Variants in ABCG2 observed in about 807,000 individuals in gnomAD.
ABCG2 encodes broad substrate specificity ATP-binding cassette transporter ABCG2.
A neutral mutation model predicts 73.5 loss-of-function variants in ABCG2; 80 were observed. The observed-to-expected ratio is 1.09, with a 90% CI of 0.91 to 1.31. The LOEUF (loss-of-function observed/expected upper bound fraction) is 1.31. Ranked by LOEUF, ABCG2 falls within the 50% of genes most tolerant of loss-of-function variation. The probability of loss-of-function intolerance (pLI) is 0.00; values close to 1 mark genes in which losing one functional copy is unlikely to be tolerated. For missense variants in ABCG2, 796 were observed against 786.2 expected (o/e 1.01, Z -0.15); for synonymous variants, 269 against 282.4 (o/e 0.95, Z 0.48).
chr4:88,158,779 G>A (rs1447099959), upstream of ABCG2: 1 of 356,702 alleles, frequency 2.8e-6, no homozygotes, highest in Non-Finnish European at 5.3e-6. Context: ...AGGCGCTGCG[G>A]CTGGAGGTCA....
chr4:88,154,626 C>G (rs62310594), intron 1 of ABCG2, among the ~76,000 whole-genome samples: 5 of 151,928 alleles, frequency 3.3e-5, no homozygotes, highest in African/African-American at 1.2e-4. Flanking sequence ...AGGAAATATG[C>G]GGAAATGGGG....
At chr4:88,174,381 T>G (rs1727873553) in intron 1 of ABCG2, among the ~76,000 whole-genome samples, 1 of 152,202 alleles carries the variant, frequency 6.6e-6, no homozygotes, top group Admixed American at 6.5e-5. Flanking sequence ...CCATGTGTTC[T>G]CACTGTTCAA....
intron 1 of ABCG2, among the ~76,000 whole-genome samples, chr4:88,152,727 C>CATTCCT (rs1369571079): frequency 6.6e-6 from 1 of 152,090 alleles, no homozygotes; most frequent in Non-Finnish European, 1.5e-5. Flanking sequence ...AGAGGCCTGA[C>CATTCCT]ATTCCTGTCT....
intron 1 of ABCG2, among the ~76,000 whole-genome samples, chr4:88,156,605 G>A (rs192631803): frequency 2.0e-3 from 298 of 152,168 alleles, no homozygotes; most frequent in Non-Finnish European, 3.4e-3. Flanking sequence ...CTTCCCTACA[G>A]AAGGGAATTT....
At position 88,119,586 on chromosome 4, in the gene ABCG2, G is replaced by T. The variant is rs185318913; in HGVS notation, c.690-1326C>A. Among the ~76,000 whole-genome samples the T allele has an allele frequency of 2.6e-3, 392 of 152,122 alleles. 2 individuals carry two copies. Among genetic ancestry groups the T allele is most frequent in the African/African-American group, 8.9e-3 (369 of 41,568 alleles). Reference sequence around the variant, plus strand: ...CTCAGATGGAGATGAGGAACTTGTTGGGAACTGGAATAAAAGTGACTCTTG... The same window carrying T: ...CTCAGATGGAGATGAGGAACTTGTTTGGAACTGGAATAAAAGTGACTCTTG... On this transcript the variant is annotated intron_variant, in intron 6 of 15. Coordinates refer to ENST00000237612, the MANE Select transcript of ABCG2 (RefSeq NM_004827.3).
intron 1 of ABCG2, among the ~76,000 whole-genome samples, chr4:88,189,408 G>A (rs927540942): frequency 3.3e-5 from 5 of 152,112 alleles, no homozygotes; most frequent in Admixed American, 2.6e-4. Flanking sequence ...TAGCCACTCA[G>A]GAGGCTGAGG....
chr4:88,094,097 TG>T (rs1721824700), intron 15 of ABCG2, among the ~76,000 whole-genome samples: 1 of 152,182 alleles, frequency 6.6e-6, no homozygotes, highest in African/African-American at 2.4e-5. Flanking sequence ...GGCAGGGAAA[TG>T]TTTACTTTCT....
At chr4:88,126,585 A>G (rs1342102030) in intron 5 of ABCG2, among the ~76,000 whole-genome samples, 3 of 152,238 alleles carry the variant, frequency 2.0e-5, no homozygotes, top group African/African-American at 7.2e-5. Flanking sequence ...CACCATGATC[A>G]AGTCAGCTTC....
At chr4:88,120,480 G>A (rs894278193) in intron 6 of ABCG2, among the ~76,000 whole-genome samples, 3 of 152,206 alleles carry the variant, frequency 2.0e-5, no homozygotes, top group African/African-American at 7.2e-5. Flanking sequence ...AATCCACAAG[G>A]CCAGAGCCTC....
Position 88,113,470 on chromosome 4 carries a change from T to C in ABCG2, c.1027A>G (p.Lys343Glu), listed in dbSNP as rs549494157. The C allele has an allele frequency of 1.9e-6, 3 of 1,614,130 alleles. No individual in the cohort carries two copies. In the African/African-American group the frequency reaches 4.0e-5, roughly 22 times the overall value. Residue 343 changes from lysine to glutamate, a missense_variant, in exon 9 of 16, where the codon AAA becomes GAA. Coordinates refer to ENST00000237612, the MANE Select transcript of ABCG2 (RefSeq NM_004827.3). The part of the protein sequence containing the change: ...AEIYVNSSFY[K>E]ETKAELHQLS... ...TGATGTAATTCAGCTTTTGTCTCTT[T>C]GTAGAAGGAGGAGTTGACATAAATC...
chr4:88,154,505 G>T (rs1319040814), intron 1 of ABCG2, among the ~76,000 whole-genome samples: 1 of 152,196 alleles, frequency 6.6e-6, no homozygotes, highest in East Asian at 1.9e-4. Flanking sequence ...TAGCCTCAAT[G>T]ATAGATGTGG....
At chr4:88,121,946 G>A (rs1724031160) in intron 5 of ABCG2, among the ~76,000 whole-genome samples, 154 bp from the exon 6 acceptor site, 1 of 152,126 alleles carries the variant, frequency 6.6e-6, no homozygotes, top group Non-Finnish European at 1.5e-5. Flanking sequence ...GAAAAAGTAG[G>A]TATCTCTTTT....
chr4:88,170,996 T>A (rs1727733290), intron 1 of ABCG2, among the ~76,000 whole-genome samples: 1 of 152,166 alleles, frequency 6.6e-6, no homozygotes, highest in Non-Finnish European at 1.5e-5. Flanking sequence ...GAGACTATTA[T>A]CCTTAGTAAA....
At chr4:88,190,480 T>C (rs927689630) in intron 1 of ABCG2, among the ~76,000 whole-genome samples, 2 of 152,196 alleles carry the variant, frequency 1.3e-5, no homozygotes, top group Non-Finnish European at 2.9e-5. Flanking sequence ...TCTGGTTAAT[T>C]GCAAAGTCCC....
At chr4:88,229,093 C>T (rs753464732) in intron 1 of ABCG2, among the ~76,000 whole-genome samples, 2 of 152,196 alleles carry the variant, frequency 1.3e-5, no homozygotes, top group African/African-American at 2.4e-5. Flanking sequence ...TTTGTTCTTT[C>T]GCTCTTCATA....
intron 1 of ABCG2, among the ~76,000 whole-genome samples, chr4:88,227,802 A>G (rs1237961491): frequency 6.6e-6 from 1 of 152,224 alleles, no homozygotes; most frequent in African/African-American, 2.4e-5. Context: ...TTTTAATGCA[A>G]AGATTGCAAA....
At chr4:88,198,523 C>T (rs1321915597) in intron 1 of ABCG2, among the ~76,000 whole-genome samples, 1 of 152,022 alleles carries the variant, frequency 6.6e-6, no homozygotes, top group Non-Finnish European at 1.5e-5. Flanking sequence ...GTCCCAAGTG[C>T]TCAGAAAGCT....
chr4:88,121,831 A>C lies in ABCG2; in HGVS notation c.532-39T>G, dbSNP rs1391309685. 3 of 1,590,336 alleles carry C rather than the reference A, an allele frequency of 1.9e-6. 1 individual carries two copies. The South Asian group carries it at 3.4e-5, about 18-fold the overall frequency. ...ATTATAATTGTCAATGATAACAACCAGTCATTATCATTTGGTGAGCTCCTA... is the reference window on the plus strand; with the variant it reads ...ATTATAATTGTCAATGATAACAACCCGTCATTATCATTTGGTGAGCTCCTA... On this transcript the variant is annotated intron_variant, in intron 5 of 15. Coordinates refer to ENST00000237612, the MANE Select transcript of ABCG2 (RefSeq NM_004827.3).
chr4:88,092,065 T>A lies in ABCG2; in HGVS notation c.*169A>T. On this transcript the variant is annotated 3_prime_UTR_variant, in exon 16 of 16. Transcript: ENST00000237612. ...CATGATGTCTTGGGTTCTTTCATGTTTAATTCAGTTTGTTGTGATTTCTAA... is the reference window on the plus strand; with the variant it reads ...CATGATGTCTTGGGTTCTTTCATGTATAATTCAGTTTGTTGTGATTTCTAA... The A allele has an allele frequency of 1.6e-6, 1 of 628,468 alleles. No individual in the cohort carries two copies. Among genetic ancestry groups the A allele is most frequent in the Non-Finnish European group, 2.7e-6 (1 of 374,268 alleles). 38.9% of individuals were successfully genotyped at this position (628,468 alleles called of 1,614,324 possible).
Sources: allele counts gnomAD v4.1 joint callset (sites outside exome capture counted in the v4.1 genomes callset), GRCh38; gene constraint gnomAD v4.1.1; transcripts MANE v1.5; gene names NCBI Gene and HGNC (gene_info 2026-07-23, HGNC 2026-07-21).